ANKRD17: variants seen among roughly 807,000 people sequenced by gnomAD.
ANKRD17 encodes ankyrin repeat domain 17.
In ANKRD17, 19 loss-of-function variants were observed where a neutral mutation model predicts 229.7. The ratio of observed to expected loss-of-function variants is 0.08; its 90% CI spans 0.06 to 0.12. The LOEUF (loss-of-function observed/expected upper bound fraction) is 0.12, where lower values mean the gene tolerates loss of function less well. ANKRD17 is among the 10% of genes least tolerant of loss of function. ANKRD17 has a pLI of 1.00. For missense variants in ANKRD17, 2,176 were observed against 3,176.8 expected, an observed-to-expected ratio of 0.68 and a Z score of 7.57; for synonymous variants, 1,112 against 1,146.1, an observed-to-expected ratio of 0.97 and a Z score of 0.60.
At chr4:73,177,839 T>C (rs962196541) in intron 1 of ANKRD17, among the ~76,000 whole-genome samples, 3 of 152,302 alleles carry the variant, frequency 2.0e-5, no homozygotes, top group South Asian at 2.1e-4. Context: ...GATGCTTAGG[T>C]TGTGAAAACT....
intron 2 of ANKRD17, among the ~76,000 whole-genome samples, chr4:73,173,028 T>TA (rs1734248518): frequency 6.6e-6 from 1 of 151,838 alleles, no homozygotes; most frequent in Admixed American, 6.6e-5. Context: ...GCTGAATGGA[T>TA]AAAAAACAAG....
Position 73,258,642 on chromosome 4 carries a change from C to T in ANKRD17, c.27G>A (p.Ala9=). 6.7e-7 allele frequency: 1 copy of T among 1,486,486 alleles called. No homozygotes were observed. Among genetic ancestry groups the T allele is most frequent in the South Asian group, 1.3e-5 (1 of 78,880 alleles). 92.1% of individuals were successfully genotyped at this position (1,486,486 alleles called of 1,614,324 possible). A position where few individuals can be genotyped will look rare whatever the true frequency, so the allele number is the denominator to read the frequency against. ...CTTCTCCTTCTGCAGCCGTCGCCGC[C>T]GCCACCGGAACCGTCGCCTTCTCCA... MEKATVPV[A]AATAAEGEGS... The change falls in exon 1 of 34, where the codon GCG becomes GCA. Residue 9 remains alanine, a synonymous_variant. Coordinates refer to ENST00000358602, the MANE Select transcript of ANKRD17 (RefSeq NM_032217.5).
chr4:73,158,714 CATTCATGA>C (rs1430672265), intron 3 of ANKRD17, among the ~76,000 whole-genome samples: 1 of 152,176 alleles, frequency 6.6e-6, no homozygotes, highest in Non-Finnish European at 1.5e-5. Context: ...TCGGTTAATC[CATTCATGA>C]ATTAATGGAT....
intron 1 of ANKRD17, among the ~76,000 whole-genome samples, chr4:73,197,721 AGC>A (rs1169838728): frequency 6.6e-6 from 1 of 152,092 alleles, no homozygotes; most frequent in Non-Finnish European, 1.5e-5. Context: ...CTATAGTCCC[AGC>A]TACTCAGGGG....
At chr4:73,188,695 AATGC>A (rs1468774535) in intron 1 of ANKRD17, among the ~76,000 whole-genome samples, 3 of 152,148 alleles carry the variant, frequency 2.0e-5, no homozygotes, top group Non-Finnish European at 2.9e-5. Context: ...TACAAATCAA[AATGC>A]ATCAACATAA....
At chr4:73,175,334 G>A (rs1234755876) in intron 2 of ANKRD17, among the ~76,000 whole-genome samples, 1 of 152,058 alleles carries the variant, frequency 6.6e-6, no homozygotes, top group Non-Finnish European at 1.5e-5. Flanking sequence ...CAGCATGGGG[G>A]AAACTGTCCC....
chr4:73,142,651 G>A lies in ANKRD17; in HGVS notation c.2074C>T (p.His692Tyr), dbSNP rs1260249743. 6.2e-7 allele frequency: 1 copy of A among 1,614,024 alleles called. No individual in the cohort carries two copies. The highest frequency in any genetic ancestry group is 8.5e-7 in the Non-Finnish European group (1 of 1,179,942). ...TTTGAGTTACATACTTTCAAACGGT[G>A]AGTAGGATCTGCCCCATGAGCCAAA... ...LLLAHGADPT[H>Y]RLKDGSTMLI... Residue 692 changes from histidine (H) to tyrosine (Y), a missense_variant, in exon 12 of 34, where the codon CAC (histidine) becomes TAC (tyrosine). His to Tyr is a moderately conservative substitution (Grantham distance 83, BLOSUM62 2). This residue lies in a region of ANKRD17 where 275 missense variants were observed against 386.9 expected (regional missense o/e 0.71). Transcript: ENST00000358602.
intron 1 of ANKRD17, among the ~76,000 whole-genome samples, chr4:73,243,044 T>C (rs1317900552): frequency 1.3e-5 from 2 of 151,634 alleles, no homozygotes; most frequent in African/African-American, 2.4e-5. Flanking sequence ...AACTAAAGGA[T>C]GAGAAAAAAC....
intron 28 of ANKRD17, among the ~76,000 whole-genome samples, chr4:73,093,360 A>G (rs1722966767): frequency 6.7e-6 from 1 of 150,270 alleles, no homozygotes; most frequent in African/African-American, 2.4e-5. Context: ...TTCAGATTCA[A>G]ATCTGAACTC....
Position 73,258,360 on chromosome 4 carries a change from TCCACCGCCG to T in ANKRD17, c.300_308del (p.Gly108_Gly110del). 1.9e-6 allele frequency: 3 copies of T among 1,563,722 alleles called. No homozygotes were observed. Among genetic ancestry groups the T allele is most frequent in the Non-Finnish European group, 2.6e-6 (3 of 1,148,662 alleles). Reference sequence around the variant, plus strand: ...TGGTGCCGCCGCCGCCACCTCCGCCTCCACCGCCGCCTCCACCGCCGCCGCTGTTGTCGC... The same window carrying T: ...TGGTGCCGCCGCCGCCACCTCCGCCTCCTCCACCGCCGCCGCTGTTGTCGC... On this transcript the variant is annotated inframe_deletion, in exon 1 of 34. Coordinates refer to ENST00000358602, the MANE Select transcript of ANKRD17 (RefSeq NM_032217.5).
chr4:73,213,476 C>G lies in ANKRD17; in HGVS notation c.394-35943G>C, dbSNP rs374673457. 3.9e-5 allele frequency among the ~76,000 whole-genome samples: 6 copies of G among 152,262 alleles called. No individual in the cohort carries two copies. The East Asian group carries it at 5.8e-4, about 15-fold the overall frequency. On this transcript the variant is annotated intron_variant, in intron 1 of 33. Coordinates refer to ENST00000358602, the MANE Select transcript of ANKRD17 (RefSeq NM_032217.5). ...AGGACAGCAAAGAATCCAGACAGCA[C>G]AGAACACCAAAAACACTTTTAACAC...
At chr4:73,195,513 AT>A (rs1028279452) in intron 1 of ANKRD17, among the ~76,000 whole-genome samples, 71 of 149,698 alleles carry the variant, frequency 4.7e-4, no homozygotes, top group Admixed American at 1.6e-3. Context: ...TTTGCTGAAG[AT>A]TTTTTTTTTC....
chr4:73,160,000 A>C (rs1198299295), intron 3 of ANKRD17, among the ~76,000 whole-genome samples: 1 of 152,178 alleles, frequency 6.6e-6, no homozygotes, highest in Non-Finnish European at 1.5e-5. Context: ...TTAGACAACA[A>C]AGAATTCTTA....
At chr4:73,131,172 C>T (rs1023611010) in intron 16 of ANKRD17, among the ~76,000 whole-genome samples, 1 of 152,142 alleles carries the variant, frequency 6.6e-6, no homozygotes, top group African/African-American at 2.4e-5. Flanking sequence ...AATACCTAGA[C>T]AAATTTGATT....
chr4:73,142,813 T>G, intron 11 of ANKRD17, 46 bp from the exon 12 acceptor site: 1 of 1,560,990 alleles, frequency 6.4e-7, no homozygotes. Context: ...GAATGGTTTT[T>G]CTTAAAATTA....
At chr4:73,224,810 G>A (rs1269083616) in intron 1 of ANKRD17, among the ~76,000 whole-genome samples, 1 of 152,134 alleles carries the variant, frequency 6.6e-6, no homozygotes, top group Non-Finnish European at 1.5e-5. Flanking sequence ...GAAGAGTTGA[G>A]ATCTGAATTC....
intron 1 of ANKRD17, among the ~76,000 whole-genome samples, chr4:73,214,679 A>C (rs1470677851): frequency 6.6e-6 from 1 of 151,896 alleles, no homozygotes; most frequent in Non-Finnish European, 1.5e-5. Flanking sequence ...AGTTTCCTTC[A>C]TGAAGCAGTA....
chr4:73,120,312 G>C lies in ANKRD17; in HGVS notation c.3875C>G (p.Ala1292Gly). The change falls in exon 21 of 34, where the codon GCT (alanine) becomes GGT (glycine). Residue 1292 changes from alanine (A) to glycine (G), a missense_variant. Ala to Gly is a moderately conservative substitution (Grantham distance 60). Around this residue, in one of 18 missense-constraint regions of ANKRD17, gnomAD observed 178 missense variants for 421.7 expected, o/e 0.42. Coordinates refer to ENST00000358602, the MANE Select transcript of ANKRD17 (RefSeq NM_032217.5). Reference sequence around the variant, plus strand: ...CACCTCCGCATATCCACCAGAGGCAGCTTCCATTAGTGGTGTGAGACCAGT... The same window carrying C: ...CACCTCCGCATATCCACCAGAGGCACCTTCCATTAGTGGTGTGAGACCAGT... Reference protein sequence around the residue: ...AKTGLTPLMEAASGGYAEVGR... With the variant: ...AKTGLTPLMEGASGGYAEVGR... 6.2e-7 allele frequency: 1 copy of C among 1,614,004 alleles called. No homozygotes were observed.
rs78285742 is a variant in ANKRD17, at chr4:73,088,523, A to G, written c.6961+2144T>C. On this transcript the variant is annotated intron_variant, in intron 29 of 33. Transcript: ENST00000358602. ...TTTAGCCTTTCTGAATCCCACACCT[A>G]GATTATCACATTTTTGGAAAGGTAA... Among the ~76,000 whole-genome samples, 145 of 152,294 alleles carry G rather than the reference A, an allele frequency of 9.5e-4. 1 individual carries two copies. Among genetic ancestry groups the G allele is most frequent in the East Asian group, 4.2e-3 (22 of 5,188 alleles).
Sources: gnomAD v4.1 joint callset for allele counts (sites outside exome capture counted in the v4.1 genomes callset) on GRCh38, gnomAD v4.1.1 for gene constraint, gnomAD v4.1.1 regional missense constraint, MANE v1.5 for transcripts, NCBI Gene and HGNC (gene_info 2026-07-23, HGNC 2026-07-21) for gene names.